GRIN2A: variants seen among roughly 807,000 people sequenced by gnomAD.
GRIN2A encodes the protein glutamate receptor ionotropic, NMDA 2A.
A neutral mutation model predicts 113.4 loss-of-function variants in GRIN2A; 22 were observed. That is an observed-to-expected ratio of 0.19 (90% confidence interval 0.14 to 0.28). The LOEUF is 0.28. Ranked by LOEUF, GRIN2A falls within the 10% of genes least tolerant of loss-of-function variation. GRIN2A has a pLI of 1.00. For missense variants in GRIN2A, 1,502 were observed against 1,887.0 expected (o/e 0.80, Z 3.78); for synonymous variants, 827 against 738.4 (o/e 1.12, Z -1.94).
chr16:10,160,774 C>T (rs1237189292), intron 2 of GRIN2A, among the ~76,000 whole-genome samples: 1 of 152,216 alleles, frequency 6.6e-6, no homozygotes, highest in Non-Finnish European at 1.5e-5. Flanking sequence ...AGAAAGCTCA[C>T]TGTTAATTTG....
At chr16:9,918,608 A>G (rs968692482) in intron 3 of GRIN2A, among the ~76,000 whole-genome samples, 18 of 152,218 alleles carry the variant, frequency 1.2e-4, no homozygotes, top group African/African-American at 4.3e-4. Context: ...ACGAAGCACA[A>G]ATTATGTCCA....
At chr16:9,967,435 G>T (rs1051992375) in intron 2 of GRIN2A, among the ~76,000 whole-genome samples, 1 of 152,246 alleles carries the variant, frequency 6.6e-6, no homozygotes, top group African/African-American at 2.4e-5. Flanking sequence ...GCCGGGCACA[G>T]TGACTCACGC....
intron 2 of GRIN2A, among the ~76,000 whole-genome samples, chr16:10,054,342 G>A (rs1234429901): frequency 6.6e-6 from 1 of 152,192 alleles, no homozygotes; most frequent in Non-Finnish European, 1.5e-5. Flanking sequence ...TGAAGACCAT[G>A]GTTAGATTCC....
chr16:10,179,641 C>T (rs1231861564), intron 2 of GRIN2A: 1 of 348,580 alleles, frequency 2.9e-6, no homozygotes, highest in Non-Finnish European at 5.4e-6. Flanking sequence ...CATATGTCTC[C>T]AGTGCTCCTG....
chr16:10,023,239 G>C (rs189580500), intron 2 of GRIN2A, among the ~76,000 whole-genome samples: 4 of 152,318 alleles, frequency 2.6e-5, no homozygotes, highest in African/African-American at 9.6e-5. Flanking sequence ...CCAAGCTAGA[G>C]AACGAGACAC....
In GRIN2A at chr16:9,948,883, G is replaced by A. The variant is rs118161652; in HGVS notation, c.415-10332C>T. Reference sequence around the variant, plus strand: ...CATAGCCACCCTTCTCTGCATGCCAGCGCTGCAGCTCACAAATGTACGCAA... The same window carrying A: ...CATAGCCACCCTTCTCTGCATGCCAACGCTGCAGCTCACAAATGTACGCAA... On this transcript the variant is annotated intron_variant, in intron 2 of 12. Coordinates refer to ENST00000330684, the MANE Select transcript of GRIN2A (RefSeq NM_001134407.3). Among the ~76,000 whole-genome samples the A allele has an allele frequency of 1.4e-4, 22 of 152,328 alleles. No individual in the cohort carries two copies. In the East Asian group the frequency reaches 4.1e-3, roughly 28 times the overall value.
At chr16:9,767,452 G>A (rs1027647986) in intron 12 of GRIN2A, among the ~76,000 whole-genome samples, 2 of 151,848 alleles carry the variant, frequency 1.3e-5, no homozygotes, top group Non-Finnish European at 2.9e-5. Flanking sequence ...TGTGCACAAC[G>A]TGCAGGTTTG....
chr16:10,003,853 T>C (rs1224456583), intron 2 of GRIN2A, among the ~76,000 whole-genome samples: 2 of 152,160 alleles, frequency 1.3e-5, no homozygotes, highest in African/African-American at 2.4e-5. Flanking sequence ...TTCCACAGAC[T>C]TGTTGGTTCT....
rs1291490142 is a variant in GRIN2A, at chr16:9,895,380, C to T, written c.1008-4280G>A. 2.0e-5 allele frequency among the ~76,000 whole-genome samples: 3 copies of T among 152,110 alleles called. No individual in the cohort carries two copies. In the East Asian group the frequency reaches 5.8e-4, roughly 29 times the overall value. On this transcript the variant is annotated intron_variant, in intron 3 of 12. Transcript: ENST00000330684. ...ACATCATGATGTGTTCAATGAGCTG[C>T]CGTCAGTTCACAATAAGTTGGGGGC... is the stretch of plus-strand genomic sequence containing the variant.
chr16:9,923,532 T>C (rs1035380606), intron 3 of GRIN2A, among the ~76,000 whole-genome samples: 1 of 152,178 alleles, frequency 6.6e-6, no homozygotes. Flanking sequence ...TTTTTTATCA[T>C]TCTGTTTTAT....
intron 2 of GRIN2A, among the ~76,000 whole-genome samples, chr16:10,095,167 C>G (rs1219917780): frequency 6.6e-6 from 1 of 152,062 alleles, no homozygotes; most frequent in Non-Finnish European, 1.5e-5. Flanking sequence ...GTCTGCAAAC[C>G]AGTAAGAGAG....
intron 2 of GRIN2A, among the ~76,000 whole-genome samples, chr16:10,026,843 C>T (rs547322228): frequency 2.0e-5 from 3 of 152,154 alleles, no homozygotes; most frequent in East Asian, 1.9e-4. Context: ...TTCAGGTGAA[C>T]GAACCTCAGG....
At chr16:10,159,478 G>A (rs894678938) in intron 2 of GRIN2A, among the ~76,000 whole-genome samples, 3 of 152,158 alleles carry the variant, frequency 2.0e-5, no homozygotes, top group Non-Finnish European at 4.4e-5. Flanking sequence ...TAGAGAAGAG[G>A]AGCTGATGGG....
intron 3 of GRIN2A, among the ~76,000 whole-genome samples, chr16:9,914,329 C>T (rs2044200148): frequency 6.6e-6 from 1 of 152,210 alleles, no homozygotes; most frequent in Admixed American, 6.5e-5. Flanking sequence ...GAAAGGCAGA[C>T]CTAAACCAGC....
intron 2 of GRIN2A, among the ~76,000 whole-genome samples, chr16:9,952,239 T>C (rs934450564): frequency 6.6e-6 from 1 of 151,962 alleles, no homozygotes; most frequent in Non-Finnish European, 1.5e-5. Context: ...ACCAAGGGAA[T>C]GCAGAGGAAG....
intron 7 of GRIN2A, 131 bp downstream of exon 7, chr16:9,840,516 A>G (rs2042654772): frequency 1.2e-6 from 1 of 856,714 alleles, no homozygotes; most frequent in Non-Finnish European, 2.0e-6. Flanking sequence ...ATTCAAATGC[A>G]GCATCCTCTG....
chr16:10,108,104 T>C (rs369211644), intron 2 of GRIN2A, among the ~76,000 whole-genome samples: 91 of 152,292 alleles, frequency 6.0e-4, no homozygotes, highest in African/African-American at 2.0e-3. Flanking sequence ...AGTGTATTAG[T>C]CCATTTTCAT....
At chr16:10,035,951 T>C (rs1300514401) in intron 2 of GRIN2A, among the ~76,000 whole-genome samples, 1 of 152,148 alleles carries the variant, frequency 6.6e-6, no homozygotes, top group Non-Finnish European at 1.5e-5. Context: ...CTCGAACTCC[T>C]GACCTCAAGT....
At chr16:10,040,054 CAT>C in intron 2 of GRIN2A, among the ~76,000 whole-genome samples, 3 of 728 alleles carry the variant, frequency 4.1e-3, no homozygotes, top group Non-Finnish European at 6.7e-3. Context: ...CACACACCAC[CAT>C]AAATACACTA....
Sources: gnomAD v4.1 joint callset for allele counts (sites outside exome capture counted in the v4.1 genomes callset) on GRCh38, gnomAD v4.1.1 for gene constraint, MANE v1.5 for transcripts, NCBI Gene and HGNC (gene_info 2026-07-23, HGNC 2026-07-21) for gene names.